Variants in PPP2R2D observed in about 807,000 individuals in gnomAD.
PPP2R2D encodes serine/threonine-protein phosphatase 2A 55 kDa regulatory subunit B delta isoform.
PPP2R2D carries 9 observed loss-of-function variants against 31.1 expected under a neutral mutation model. The observed-to-expected ratio is 0.29, with a 90% CI of 0.17 to 0.51. The LOEUF is 0.51. PPP2R2D is among the 20% of genes least tolerant of loss of function. The pLI, the probability that PPP2R2D is intolerant of heterozygous loss-of-function variation, is 0.98. For missense variants in PPP2R2D, 391 were observed against 465.6 expected (o/e 0.84, Z 1.48); for synonymous variants, 179 against 172.6 (o/e 1.04, Z -0.29).
intron 5 of PPP2R2D, among the ~76,000 whole-genome samples, chr10:131,942,421 G>C (rs1316904617): frequency 6.6e-6 from 1 of 152,236 alleles, no homozygotes; most frequent in Non-Finnish European, 1.5e-5. Context: ...TCTGTACATT[G>C]ACTTAGGTCG....
At chr10:131,906,816 C>T (rs1452908820) in intron 2 of PPP2R2D, among the ~76,000 whole-genome samples, 1 of 151,410 alleles carries the variant, frequency 6.6e-6, no homozygotes. Context: ...TAGTACACAC[C>T]TGTAGTCCCA....
At chr10:131,963,870 G>A (rs1233101208), downstream of PPP2R2D, among the ~76,000 whole-genome samples, 1 of 152,192 alleles carries the variant, frequency 6.6e-6, no homozygotes, top group Non-Finnish European at 1.5e-5. Context: ...CTCACACCGT[G>A]CAGGGCTAGT....
chr10:131,930,438 A>G (rs782322838), intron 2 of PPP2R2D, among the ~76,000 whole-genome samples: 7 of 152,212 alleles, frequency 4.6e-5, no homozygotes, highest in Non-Finnish European at 1.0e-4. Flanking sequence ...CATTTTGCCA[A>G]ATTGCCTCTC....
At chr10:131,966,534 C>T in the PPP2R2D span, 2 of 152,242 alleles carry the variant, frequency 1.3e-5, no homozygotes, top group Non-Finnish European at 2.9e-5. Context: ...GATTCTTGGT[C>T]TCCCATCTGT....
chr10:131,956,624 G>GT lies in PPP2R2D; in HGVS notation c.*664dup, dbSNP rs2036805056. ...GCAGGGTTCTTCTTTGGAACTAACT[G>GT]TTTGAGAAATGTGTGTCCTTCTTTG... On this transcript the variant is annotated 3_prime_UTR_variant, in exon 9 of 9. Transcript: ENST00000455566. 1.1e-6 allele frequency: 1 copy of GT among 936,922 alleles called. No homozygotes were observed. The highest frequency in any genetic ancestry group is 1.3e-6 in the Non-Finnish European group (1 of 785,878). The allele number at this position is 936,922 out of a possible 1,614,324, so 58.0% of individuals were successfully genotyped here. A position where few individuals can be genotyped will look rare whatever the true frequency, so the allele number is the denominator to read the frequency against.
intron 5 of PPP2R2D, 136 bp downstream of exon 5, chr10:131,940,830 G>C (rs10870270): frequency 1.1e-4 from 61 of 572,274 alleles, no homozygotes; most frequent in African/African-American, 1.0e-3. Context: ...CCTGAAAGTC[G>C]TTTGCACTCA....
intron 2 of PPP2R2D, among the ~76,000 whole-genome samples, chr10:131,906,721 G>A (rs2035591944): frequency 6.9e-6 from 1 of 145,672 alleles, no homozygotes; most frequent in Non-Finnish European, 1.5e-5. Flanking sequence ...AGCAATTTGA[G>A]ACCAGCCTGG....
chr10:131,929,119 C>G (rs1452854370), intron 2 of PPP2R2D, among the ~76,000 whole-genome samples: 1 of 152,166 alleles, frequency 6.6e-6, no homozygotes, highest in African/African-American at 2.4e-5. Context: ...TGTCATTGCC[C>G]CCTGTACTAC....
chr10:131,929,023 G>A (rs543295809), intron 2 of PPP2R2D, among the ~76,000 whole-genome samples: 13 of 152,132 alleles, frequency 8.5e-5, no homozygotes, highest in East Asian at 1.9e-4. Flanking sequence ...CAGAACTCAC[G>A]CCTGGAGTTG....
intron 2 of PPP2R2D, among the ~76,000 whole-genome samples, chr10:131,902,902 G>A (rs1391642136): frequency 6.6e-6 from 1 of 151,916 alleles, no homozygotes; most frequent in Non-Finnish European, 1.5e-5. Flanking sequence ...ACACACACGC[G>A]TGCACCACCA....
chr10:131,945,193 C>A lies in PPP2R2D; in HGVS notation c.656-102C>A. The A allele has an allele frequency of 7.3e-7, 1 of 1,366,780 alleles. No homozygotes were observed. Among genetic ancestry groups the A allele is most frequent in the Non-Finnish European group, 1.0e-6 (1 of 997,278 alleles). 84.7% of individuals were successfully genotyped at this position (1,366,780 alleles called of 1,614,324 possible). A position where few individuals can be genotyped will look rare whatever the true frequency, so the allele number is the denominator to read the frequency against. On this transcript the variant is annotated intron_variant, in intron 6 of 8. Coordinates refer to ENST00000455566, the MANE Select transcript of PPP2R2D (RefSeq NM_018461.5). The surrounding 1 kb of genome is among the most constrained non-coding windows in gnomAD (Gnocchi z 4.8). Reference sequence around the variant, plus strand: ...CCTTCTTAATAGCTAATCCCTTAAACCTCACTGCGTGGATTATTTGGCGTC... The same window carrying A: ...CCTTCTTAATAGCTAATCCCTTAAAACTCACTGCGTGGATTATTTGGCGTC...
the PPP2R2D span, chr10:131,971,024 A>G: frequency 3.6e-5 from 55 of 1,529,258 alleles, no homozygotes; most frequent in African/African-American, 6.1e-4. Flanking sequence ...TGACACGGGA[A>G]AGCACCCAGC....
At chr10:131,951,218 C>A (rs2036629943) in intron 8 of PPP2R2D, among the ~76,000 whole-genome samples, 1 of 152,364 alleles carries the variant, frequency 6.6e-6, no homozygotes, top group Non-Finnish European at 1.5e-5. Context: ...CAGTACCCTT[C>A]TTGTGACCTC....
At chr10:131,915,069 A>G (rs1554892887) in intron 2 of PPP2R2D, among the ~76,000 whole-genome samples, 31 of 150,620 alleles carry the variant, frequency 2.1e-4, no homozygotes, top group Non-Finnish European at 5.9e-5. Context: ...CCATTTTGTC[A>G]TGTTTGAAAA....
chr10:131,962,427 T>C (rs2036937952), downstream of PPP2R2D, among the ~76,000 whole-genome samples: 1 of 152,216 alleles, frequency 6.6e-6, no homozygotes, highest in South Asian at 2.1e-4. Context: ...TGGTGAGTGG[T>C]TAAAGTCACG....
chr10:131,937,973 A>G (rs1320918523), intron 3 of PPP2R2D, among the ~76,000 whole-genome samples: 3 of 147,852 alleles, frequency 2.0e-5, no homozygotes, highest in African/African-American at 7.6e-5. Flanking sequence ...GGAATGCAGG[A>G]ATGCCCTGCC....
In PPP2R2D at chr10:131,954,181, A is replaced by G. The variant is rs902553443; in HGVS notation, c.1083-1503A>G. ...CCTTGTTTGCAGTGTGGAAACACCC[A>G]CTCTGGGGCTGGCACTATCTGTCGA... On this transcript the variant is annotated intron_variant, in intron 8 of 8. Coordinates refer to ENST00000455566, the MANE Select transcript of PPP2R2D (RefSeq NM_018461.5). Among the ~76,000 whole-genome samples, 8 of 152,140 alleles carry G rather than the reference A, an allele frequency of 5.3e-5. No homozygotes were observed. In the East Asian group the frequency reaches 1.5e-3, roughly 29 times the overall value.
At chr10:131,933,510 A>G (rs1329071429) in intron 2 of PPP2R2D, among the ~76,000 whole-genome samples, 2 of 152,124 alleles carry the variant, frequency 1.3e-5, no homozygotes, top group Non-Finnish European at 2.9e-5. Context: ...CCCACACTGC[A>G]GGGTAAGGCG....
chr10:131,932,126 G>A (rs1407491102), intron 2 of PPP2R2D, among the ~76,000 whole-genome samples: 6 of 152,184 alleles, frequency 3.9e-5, no homozygotes, highest in Non-Finnish European at 8.8e-5. Flanking sequence ...AGAGGACTCG[G>A]GGTGGCTGCG....
Sources: gnomAD v4.1 joint callset for allele counts (sites outside exome capture counted in the v4.1 genomes callset) on GRCh38, gnomAD v4.1.1 for gene constraint, Gnocchi (gnomAD v3.1) non-coding constraint, MANE v1.5 for transcripts, NCBI Gene and HGNC (gene_info 2026-07-23, HGNC 2026-07-21) for gene names.